Variants in ADAMTSL1 observed in about 807,000 individuals in gnomAD.
ADAMTSL1 encodes the protein ADAMTS like 1, also known as ADAMTS-like protein 1.
Under a neutral mutation model 201.8 loss-of-function variants are expected in ADAMTSL1, and 126 were observed. That is an observed-to-expected ratio of 0.62 (90% CI 0.54 to 0.72). The LOEUF (loss-of-function observed/expected upper bound fraction) is 0.72, where lower values mean the gene tolerates loss of function less well. ADAMTSL1 is among the 30% of genes least tolerant of loss of function. The pLI, the probability that ADAMTSL1 is intolerant of heterozygous loss-of-function variation, is 0.00. For missense variants in ADAMTSL1, 2,679 were observed against 2,277.8 expected, an observed-to-expected ratio of 1.18 and a Z score of -3.59; for synonymous variants, 1,121 against 903.4, an observed-to-expected ratio of 1.24 and a Z score of -4.32.
chr9:17,913,951 C>G (rs1252216606), intron 1 of ADAMTSL1, among the ~76,000 whole-genome samples: 2 of 137,922 alleles, frequency 1.5e-5, no homozygotes, highest in South Asian at 2.4e-4. Context: ...GACACATACA[C>G]CCTCCCAAGA....
In ADAMTSL1 at chr9:18,226,755, GT is replaced by G. The variant is rs1830445473; in HGVS notation, c.207+62775del. ...TTTGTCCACTAGATTTGAAAGGACA[GT>G]GCCTAGGGCCCATTATACTTTGAGG... On this transcript the variant is annotated intron_variant, in intron 2 of 29. Transcript: ENST00000680146. Among the ~76,000 whole-genome samples the G allele has an allele frequency of 3.9e-5, 6 of 152,234 alleles. No individual in the cohort carries two copies. In the South Asian group the frequency reaches 1.2e-3, roughly 32 times the overall value.
chr9:18,612,728 G>A (rs762990971), intron 4 of ADAMTSL1, among the ~76,000 whole-genome samples: 8 of 152,124 alleles, frequency 5.3e-5, no homozygotes, highest in Non-Finnish European at 1.0e-4. Context: ...ATTCACGATG[G>A]ATTAAAGACT....
At chr9:18,472,115 C>G (rs978401343), upstream of ADAMTSL1, among the ~76,000 whole-genome samples, 2 of 152,118 alleles carry the variant, frequency 1.3e-5, no homozygotes, top group African/African-American at 4.8e-5. Flanking sequence ...ATAGAACTAG[C>G]TGAAACTCTT....
At chr9:18,782,179 G>A (rs1298938869) in intron 19 of ADAMTSL1, among the ~76,000 whole-genome samples, 1 of 152,194 alleles carries the variant, frequency 6.6e-6, no homozygotes, top group African/African-American at 2.4e-5. Context: ...TCCTGTTGAT[G>A]AAATTCAAAG....
intron 1 of ADAMTSL1, among the ~76,000 whole-genome samples, chr9:18,488,897 C>G (rs1822129096): frequency 6.6e-6 from 1 of 152,160 alleles, no homozygotes; most frequent in Non-Finnish European, 1.5e-5. Flanking sequence ...GTCTGGAGCA[C>G]ATTGAAGCCA....
At chr9:18,817,354 C>A in intron 21 of ADAMTSL1, 117 bp downstream of exon 21, 2 of 1,047,502 alleles carry the variant, frequency 1.9e-6, no homozygotes, top group Non-Finnish European at 2.7e-6. Context: ...GTAGGAAAGC[C>A]AAAGCATGAA....
At chr9:18,078,455 G>C (rs570802039) in intron 1 of ADAMTSL1, among the ~76,000 whole-genome samples, 2 of 152,158 alleles carry the variant, frequency 1.3e-5, no homozygotes, top group African/African-American at 4.8e-5. Context: ...CACAGCTCCT[G>C]TGTGTCTGTT....
intron 1 of ADAMTSL1, among the ~76,000 whole-genome samples, chr9:18,060,334 G>C (rs1822392306): frequency 6.6e-6 from 1 of 152,116 alleles, no homozygotes. Flanking sequence ...TTGCAGGTTT[G>C]TTCAGTTATA....
intron 2 of ADAMTSL1, among the ~76,000 whole-genome samples, chr9:18,412,375 G>C (rs1316585258): frequency 6.6e-6 from 1 of 152,124 alleles, no homozygotes; most frequent in Non-Finnish European, 1.5e-5. Flanking sequence ...AATGGTTTTA[G>C]CATCCATCTA....
At chr9:18,568,872 C>T (rs1822110704) in intron 3 of ADAMTSL1, among the ~76,000 whole-genome samples, 1 of 151,162 alleles carries the variant, frequency 6.6e-6, no homozygotes, top group South Asian at 2.1e-4. Context: ...AATGAAACAA[C>T]AAAATTAATA....
chr9:18,845,098 G>C (rs1281391978), intron 23 of ADAMTSL1, among the ~76,000 whole-genome samples: 3 of 152,210 alleles, frequency 2.0e-5, no homozygotes, highest in Admixed American at 2.0e-4. Flanking sequence ...CGGTACCTCA[G>C]ATGGAAATGC....
chr9:18,343,594 C>T (rs187182029), intron 2 of ADAMTSL1, among the ~76,000 whole-genome samples: 9 of 152,118 alleles, frequency 5.9e-5, no homozygotes, highest in African/African-American at 2.2e-4. Context: ...AATTCTAAAC[C>T]CTCTTTTAGA....
At chr9:17,994,090 T>TTGTGTGTG (rs367861504) in intron 1 of ADAMTSL1, among the ~76,000 whole-genome samples, 58 of 142,176 alleles carry the variant, frequency 4.1e-4, no homozygotes, top group African/African-American at 6.6e-4. Flanking sequence ...CAGAATCTCA[T>TTGTGTGTG]TGTGTGTGTG....
chr9:18,004,891 G>C (rs1563944651), intron 1 of ADAMTSL1, among the ~76,000 whole-genome samples: 1 of 152,060 alleles, frequency 6.6e-6, no homozygotes, highest in Non-Finnish European at 1.5e-5. Flanking sequence ...AAATGTAACT[G>C]ACTGTTTAAA....
chr9:18,417,581 TAAAAAG>T (rs1401859175), intron 2 of ADAMTSL1, among the ~76,000 whole-genome samples: 1 of 151,900 alleles, frequency 6.6e-6, no homozygotes, highest in African/African-American at 2.4e-5. Flanking sequence ...GTGTAGAAAT[TAAAAAG>T]AGAATACTAC....
chr9:18,793,259 G>A (rs1822166771), intron 19 of ADAMTSL1: 1 of 152,222 alleles, frequency 6.6e-6, no homozygotes, highest in Non-Finnish European at 1.5e-5. Context: ...TCTGACAGGA[G>A]GTAAGAATAA....
chr9:18,573,962 C>G, intron 3 of ADAMTSL1, 68 bp from the exon 4 acceptor site: 1 of 1,293,856 alleles, frequency 7.7e-7, no homozygotes, highest in Non-Finnish European at 1.1e-6. Context: ...GACCATATAG[C>G]TGCTCTGGTT....
chr9:18,042,830 G>A (rs1037756701), intron 1 of ADAMTSL1, among the ~76,000 whole-genome samples: 1 of 152,148 alleles, frequency 6.6e-6, no homozygotes, highest in Non-Finnish European at 1.5e-5. Context: ...CTGATATGCA[G>A]TACAGAATGA....
intron 2 of ADAMTSL1, among the ~76,000 whole-genome samples, chr9:18,183,151 A>G (rs1418660816): frequency 6.6e-6 from 1 of 152,232 alleles, no homozygotes; most frequent in Non-Finnish European, 1.5e-5. Context: ...CTTTCAACAG[A>G]TGGTGCTGGA....
Sources: allele counts gnomAD v4.1 joint callset (sites outside exome capture counted in the v4.1 genomes callset), GRCh38; gene constraint gnomAD v4.1.1; transcripts MANE v1.5; gene names NCBI Gene and HGNC (gene_info 2026-07-23, HGNC 2026-07-21).